The following DST variants were observed in gnomAD, a reference collection of about 807,000 sequenced individuals.
DST encodes bullous pemphigoid antigen.
A neutral mutation model predicts 875.2 loss-of-function variants in DST; 253 were observed. The ratio of observed to expected loss-of-function variants is 0.29; its 90% confidence interval spans 0.26 to 0.32. DST has a LOEUF of 0.32. Ranked by LOEUF, DST falls within the 10% of genes least tolerant of loss-of-function variation. The probability of loss-of-function intolerance (pLI) is 1.00; values close to 1 mark genes in which losing one functional copy is unlikely to be tolerated. For synonymous variants in DST, 3,124 were observed against 3,197.1 expected (o/e 0.98, Z 0.77); for missense variants, 8,287 against 9,111.6 (o/e 0.91, Z 3.68).
intron 50 of DST, among the ~76,000 whole-genome samples, chr6:56,575,094 A>G (rs1164821840): frequency 6.6e-6 from 1 of 152,210 alleles, no homozygotes; most frequent in Non-Finnish European, 1.5e-5. Flanking sequence ...GCCCATCAGC[A>G]TACTGAGTGG....
chr6:56,484,190 T>C (rs2095490659), intron 88 of DST: 1 of 152,192 alleles, frequency 6.6e-6, no homozygotes, highest in Admixed American at 6.5e-5. Flanking sequence ...CATTACGCTA[T>C]TCATTACTCA....
At chr6:56,565,112 C>CT (rs1157403022) in intron 55 of DST, among the ~76,000 whole-genome samples, 181 of 134,382 alleles carry the variant, frequency 1.3e-3, no homozygotes, top group Admixed American at 1.6e-3. Flanking sequence ...TTTCTCTTTT[C>CT]TTTTTTTTTT....
intron 2 of DST, among the ~76,000 whole-genome samples, chr6:56,909,740 A>T (rs1369057388): frequency 6.6e-6 from 1 of 152,164 alleles, no homozygotes; most frequent in African/African-American, 2.4e-5. Context: ...ATTCCTAACA[A>T]ATCCTCCAGT....
chr6:56,836,227 A>C (rs2099793363), intron 4 of DST, among the ~76,000 whole-genome samples: 1 of 152,224 alleles, frequency 6.6e-6, no homozygotes. Context: ...AGTATCTCCC[A>C]GTCAATATAA....
intron 94 of DST, 106 bp downstream of exon 94, chr6:56,471,953 C>T (rs1361196006): frequency 5.3e-6 from 6 of 1,128,966 alleles, no homozygotes; most frequent in Non-Finnish European, 8.1e-6. Context: ...CAAGAGTTTG[C>T]TTATTATCAG....
intron 80 of DST, among the ~76,000 whole-genome samples, chr6:56,500,294 C>G (rs189256178): frequency 1.8e-3 from 270 of 152,126 alleles, no homozygotes; most frequent in African/African-American, 5.4e-3. Flanking sequence ...TTGTTGAATG[C>G]CAGGATAAAC....
At chr6:56,919,953 C>T (rs1207826021) in intron 2 of DST, among the ~76,000 whole-genome samples, 5 of 151,626 alleles carry the variant, frequency 3.3e-5, no homozygotes, top group East Asian at 1.9e-4. Flanking sequence ...ACTCTGTCTC[C>T]GGGAAAAAAG....
intron 2 of DST, among the ~76,000 whole-genome samples, chr6:56,916,984 T>G: frequency 1.0e-5 from 1 of 97,818 alleles, no homozygotes; most frequent in Non-Finnish European, 1.8e-5. Context: ...GCCCCAGGCA[T>G]GCTAAAAAAA....
chr6:56,847,718 T>C (rs1554202399), intron 4 of DST, among the ~76,000 whole-genome samples: 1 of 152,206 alleles, frequency 6.6e-6, no homozygotes, highest in Non-Finnish European at 1.5e-5. Context: ...GCCTCCCTTC[T>C]CCCCTCAGGT....
intron 88 of DST, 50 bp from the exon 89 acceptor site, chr6:56,482,927 A>G: frequency 7.2e-7 from 1 of 1,384,624 alleles, no homozygotes; most frequent in Non-Finnish European, 9.7e-7. Context: ...AAACCAAAAC[A>G]GCAACACATA....
At chr6:56,498,960 T>C (rs1437503264) in intron 80 of DST, among the ~76,000 whole-genome samples, 4 of 152,138 alleles carry the variant, frequency 2.6e-5, no homozygotes, top group African/African-American at 9.7e-5. Context: ...ATGAATAGGT[T>C]AATAACGCTT....
chr6:56,571,187 G>A (rs969810009), intron 53 of DST, among the ~76,000 whole-genome samples: 1 of 152,212 alleles, frequency 6.6e-6, no homozygotes, highest in East Asian at 1.9e-4. Context: ...CTGGCATGTG[G>A]ATGACACGTA....
chr6:56,892,323 T>C (rs1032541001), intron 3 of DST, among the ~76,000 whole-genome samples: 16 of 123,576 alleles, frequency 1.3e-4, no homozygotes, highest in Middle Eastern at 4.0e-3. Flanking sequence ...TTCCTATCCC[T>C]TTTTTTTTTT....
At chr6:56,615,453 A>G in intron 36 of DST, 1 of 1,609,988 alleles carries the variant, frequency 6.2e-7, no homozygotes. Context: ...ATATCATCAT[A>G]CTCTGAAAAA....
chr6:56,824,535 G>C (rs919276104), intron 4 of DST, among the ~76,000 whole-genome samples: 1 of 151,566 alleles, frequency 6.6e-6, no homozygotes, highest in East Asian at 1.9e-4. Flanking sequence ...GTCTCTGCCC[G>C]GCCACCATCC....
chr6:56,553,567 T>C lies in DST; in HGVS notation c.15225A>G (p.Thr5075=). 6.2e-7 allele frequency: 1 copy of C among 1,613,966 alleles called. No individual in the cohort carries two copies. Among genetic ancestry groups the C allele is most frequent in the Non-Finnish European group, 8.5e-7 (1 of 1,179,886 alleles). ...GAGATTTGTTTTGCTCTTCTTTCTT[T>C]GTATCCAGCCAAGCCTGAAAATCTC... The part of the protein sequence containing the change: ...MSRDFQAWLD[T]KKEEQNKSHP... The change falls in exon 61 of 104, where the codon ACA becomes ACG. Residue 5075 remains threonine, a synonymous_variant. Coordinates refer to ENST00000680361, the MANE Select transcript of DST (RefSeq NM_001374736.1).
intron 80 of DST, among the ~76,000 whole-genome samples, chr6:56,499,166 G>A (rs2096029813): frequency 6.6e-6 from 1 of 152,042 alleles, no homozygotes; most frequent in Non-Finnish European, 1.5e-5. Context: ...CATTGACTCA[G>A]TGTTGGCAAT....
intron 85 of DST, 55 bp downstream of exon 85, chr6:56,492,172 A>G (rs2095770191): frequency 2.1e-6 from 3 of 1,439,242 alleles, no homozygotes; most frequent in Admixed American, 3.5e-5. Context: ...ATATATTTCA[A>G]CAGCAAGAAG....
intron 90 of DST, 71 bp downstream of exon 90, chr6:56,481,979 G>A: frequency 6.7e-7 from 1 of 1,491,008 alleles, no homozygotes; most frequent in Non-Finnish European, 9.2e-7. Context: ...GTTGATATTT[G>A]TAATCCCGAG....
Sources: allele counts gnomAD v4.1 joint callset (sites outside exome capture counted in the v4.1 genomes callset), GRCh38; gene constraint gnomAD v4.1.1; transcripts MANE v1.5; gene names NCBI Gene and HGNC (gene_info 2026-07-23, HGNC 2026-07-21).